Variants in SLFN12L observed in about 807,000 individuals in gnomAD.
The protein encoded by SLFN12L is schlafen family member 12 like.
Under a neutral mutation model 34.8 loss-of-function variants are expected in SLFN12L, and 34 were observed. The ratio of observed to expected loss-of-function variants is 0.98; its 90% CI spans 0.74 to 1.30. The LOEUF (loss-of-function observed/expected upper bound fraction) is 1.30. SLFN12L is among the 50% of genes most tolerant of loss of function. SLFN12L has a pLI of 0.00. For missense variants in SLFN12L, 703 were observed against 696.2 expected (o/e 1.01, Z -0.11); for synonymous variants, 259 against 247.5 (o/e 1.05, Z -0.44).
intron 2 of SLFN12L, among the ~76,000 whole-genome samples, chr17:35,492,493 G>T (rs535944767): frequency 1.3e-5 from 2 of 152,336 alleles, no homozygotes; most frequent in South Asian, 4.1e-4. Flanking sequence ...CCCGTTGTGT[G>T]AGTGGCATTT....
intron 2 of SLFN12L, chr17:35,515,285 C>A: frequency 2.6e-6 from 1 of 377,978 alleles, no homozygotes. Context: ...GACCCGACGC[C>A]GGCGGGACAG....
intron 2 of SLFN12L, chr17:35,480,448 C>T (rs570074702): frequency 1.2e-4 from 44 of 356,954 alleles, no homozygotes; most frequent in African/African-American, 8.4e-4. Context: ...TTTATGTGTT[C>T]GTTGTGTCCT....
At chr17:35,523,310 C>G (rs1916052103) in intron 1 of SLFN12L, among the ~76,000 whole-genome samples, 1 of 152,114 alleles carries the variant, frequency 6.6e-6, no homozygotes, top group African/African-American at 2.4e-5. Flanking sequence ...AAAGATGAGT[C>G]CTATTCCCCA....
At chr17:35,491,850 C>T (rs922822644) in intron 2 of SLFN12L, among the ~76,000 whole-genome samples, 2 of 152,238 alleles carry the variant, frequency 1.3e-5, no homozygotes, top group African/African-American at 4.8e-5. Context: ...AAGATCTCCA[C>T]AGGCTTCTGG....
At chr17:35,536,528 A>C (rs1483107264) in intron 1 of SLFN12L, among the ~76,000 whole-genome samples, 1 of 152,152 alleles carries the variant, frequency 6.6e-6, no homozygotes, top group Non-Finnish European at 1.5e-5. Flanking sequence ...ACAAAAAAAC[A>C]CAGTTGGGCT....
chr17:35,535,133 G>A (rs2072446075), intron 1 of SLFN12L, among the ~76,000 whole-genome samples: 1 of 151,876 alleles, frequency 6.6e-6, no homozygotes, highest in Non-Finnish European at 1.5e-5. Context: ...TCAAATCCAG[G>A]AGTATTTGAT....
At position 35,471,337 on chromosome 17, in the gene SLFN12L, A is replaced by C. The variant is rs1913805298; in HGVS notation, c.*3586T>G. Among the ~76,000 whole-genome samples, 1 of 152,036 alleles carries C rather than the reference A, an allele frequency of 6.6e-6. No individual in the cohort carries two copies. Among genetic ancestry groups the C allele is most frequent in the African/African-American group, 2.4e-5 (1 of 41,402 alleles). Reference sequence around the variant, plus strand: ...TTTTTAGTAGAAATGGGGTTTCACCATGTTGGCCAGGCTGGTCTCAAACTC... The same window carrying C: ...TTTTTAGTAGAAATGGGGTTTCACCCTGTTGGCCAGGCTGGTCTCAAACTC... On this transcript the variant is annotated 3_prime_UTR_variant, in exon 5 of 5. Transcript: ENST00000628453.
intron 2 of SLFN12L, among the ~76,000 whole-genome samples, chr17:35,497,613 A>C (rs549290393): frequency 2.0e-5 from 3 of 152,268 alleles, no homozygotes; most frequent in Admixed American, 2.0e-4. Context: ...AGTGCAATGA[A>C]TACACTCATC....
intron 2 of SLFN12L, among the ~76,000 whole-genome samples, chr17:35,511,367 A>G (rs1915638966): frequency 6.6e-6 from 1 of 152,248 alleles, no homozygotes; most frequent in African/African-American, 2.4e-5. Context: ...AAGATGGTAA[A>G]ATAAACTTAC....
Position 35,471,494 on chromosome 17 carries a change from G to C in SLFN12L, c.*3429C>G, listed in dbSNP as rs1467163636. On this transcript the variant is annotated 3_prime_UTR_variant, in exon 5 of 5. Transcript: ENST00000628453. ...TCCTTTGGGTATATACCCAGTAATG[G>C]GATTCCTGGGTCAAATGGTATTTCT... is the stretch of plus-strand genomic sequence containing the variant. Among the ~76,000 whole-genome samples, 1 of 152,040 alleles carries C rather than the reference G, an allele frequency of 6.6e-6. No homozygotes were observed. The highest frequency in any genetic ancestry group is 1.5e-5 in the Non-Finnish European group (1 of 68,028).
intron 2 of SLFN12L, among the ~76,000 whole-genome samples, chr17:35,501,390 G>A (rs1236458309): frequency 3.3e-5 from 5 of 152,228 alleles, no homozygotes; most frequent in African/African-American, 1.2e-4. Flanking sequence ...AGCATGGCCT[G>A]ATCACCCACA....
intron 1 of SLFN12L, among the ~76,000 whole-genome samples, chr17:35,532,100 T>A (rs2072416858): frequency 6.6e-6 from 1 of 152,224 alleles, no homozygotes; most frequent in Non-Finnish European, 1.5e-5. Flanking sequence ...AAAGATTTGG[T>A]TCCATCAAAA....
chr17:35,478,437 C>A, intron 3 of SLFN12L: 2 of 254,426 alleles, frequency 7.9e-6, no homozygotes, highest in Non-Finnish European at 7.4e-6. Flanking sequence ...GCATTGATAG[C>A]AATTTAATAC....
chr17:35,527,894 G>C (rs539435338), intron 1 of SLFN12L, among the ~76,000 whole-genome samples: 1 of 152,246 alleles, frequency 6.6e-6, no homozygotes, highest in East Asian at 1.9e-4. Flanking sequence ...ATTCAAGTAG[G>C]AAAAGAGGAA....
intron 2 of SLFN12L, chr17:35,514,676 T>A (rs1597872069): frequency 2.8e-6 from 1 of 353,018 alleles, no homozygotes; most frequent in Middle Eastern, 9.7e-4. Flanking sequence ...GAATAGTTCA[T>A]AACAAGCATA....
chr17:35,521,172 A>C (rs1244666185), intron 2 of SLFN12L, among the ~76,000 whole-genome samples: 1 of 152,176 alleles, frequency 6.6e-6, no homozygotes, highest in Non-Finnish European at 1.5e-5. Context: ...AAAGTCTGAA[A>C]AATTATCACA....
chr17:35,497,359 C>T (rs140101362), intron 2 of SLFN12L, among the ~76,000 whole-genome samples: 2,805 of 152,020 alleles, frequency 0.018, 42 homozygotes, highest in Non-Finnish European at 0.027. Context: ...TCACTGCACT[C>T]CAGCCTGGGC....
intron 2 of SLFN12L, among the ~76,000 whole-genome samples, chr17:35,497,359 C>A (rs140101362): frequency 2.4e-4 from 36 of 152,034 alleles, no homozygotes; most frequent in Admixed American, 1.7e-3. Flanking sequence ...TCACTGCACT[C>A]CAGCCTGGGC....
At chr17:35,516,112 T>C (rs1915820365) in intron 2 of SLFN12L, among the ~76,000 whole-genome samples, 1 of 152,228 alleles carries the variant, frequency 6.6e-6, no homozygotes, top group Non-Finnish European at 1.5e-5. Context: ...ATTAATATCC[T>C]TATTTTCTAA....
Sources: allele counts gnomAD v4.1 joint callset (sites outside exome capture counted in the v4.1 genomes callset), GRCh38; gene constraint gnomAD v4.1.1; transcripts MANE v1.5; gene names NCBI Gene and HGNC (gene_info 2026-07-23, HGNC 2026-07-21).